Variants in COL24A1 observed in about 807,000 individuals in gnomAD.
The protein encoded by COL24A1 is collagen alpha-1(XXIV) chain.
In COL24A1, 224 loss-of-function variants were observed where a neutral mutation model predicts 253.9. The ratio of observed to expected loss-of-function variants is 0.88; its 90% CI spans 0.79 to 0.99. The LOEUF is 0.99. Ranked by LOEUF, COL24A1 falls within the 50% of genes least tolerant of loss-of-function variation. The pLI is 0.00. For synonymous variants in COL24A1, 685 were observed against 673.7 expected (o/e 1.02, Z -0.26); for missense variants, 2,131 against 2,068.5 (o/e 1.03, Z -0.59).
intron 24 of COL24A1, among the ~76,000 whole-genome samples, chr1:85,957,323 A>G (rs914309702): frequency 1.8e-4 from 28 of 152,150 alleles, no homozygotes; most frequent in Middle Eastern, 3.2e-3. Context: ...AAACCTGCGC[A>G]TTTTGCACAT....
intron 2 of COL24A1, among the ~76,000 whole-genome samples, chr1:86,141,382 A>G (rs1651051410): frequency 6.6e-6 from 1 of 152,180 alleles, no homozygotes; most frequent in African/African-American, 2.4e-5. Flanking sequence ...ACATAGAAGC[A>G]TTGAATCAAT....
At chr1:85,975,476 T>C (rs1692579082) in intron 20 of COL24A1, among the ~76,000 whole-genome samples, 1 of 152,122 alleles carries the variant, frequency 6.6e-6, no homozygotes, top group Non-Finnish European at 1.5e-5. Flanking sequence ...AAGGCTAGAA[T>C]GGGAGGATAT....
chr1:86,131,552 C>T (rs1035007794), intron 2 of COL24A1, among the ~76,000 whole-genome samples: 2 of 141,838 alleles, frequency 1.4e-5, no homozygotes, highest in African/African-American at 5.3e-5. Flanking sequence ...TGATGTTCAC[C>T]TTCCTGTGTT....
intron 47 of COL24A1, among the ~76,000 whole-genome samples, chr1:85,793,173 T>A (rs1375869345): frequency 1.3e-5 from 2 of 152,176 alleles, no homozygotes; most frequent in African/African-American, 2.4e-5. Context: ...TTAAAAATTA[T>A]CCTTTCTAAG....
chr1:85,778,023 C>CTCTATCTATCTATCTATCTA lies in COL24A1; in HGVS notation c.4339-2334_4339-2315dup, dbSNP rs71075864. ...GGTATATGTGTGTATATGTCTCTAT[C>CTCTATCTATCTATCTATCTA]TCTATCTATCTATCTATCTATCTAT... On this transcript the variant is annotated intron_variant, in intron 52 of 59. Coordinates refer to ENST00000370571, the MANE Select transcript of COL24A1 (RefSeq NM_152890.7). Among the ~76,000 whole-genome samples the CTCTATCTATCTATCTATCTA allele has an allele frequency of 2.0e-3, 294 of 149,244 alleles. 1 individual carries two copies. Among genetic ancestry groups the CTCTATCTATCTATCTATCTA allele is most frequent in the East Asian group, 4.2e-3 (21 of 5,032 alleles).
At chr1:85,811,752 T>C (rs1166933301) in intron 47 of COL24A1, among the ~76,000 whole-genome samples, 1 of 152,224 alleles carries the variant, frequency 6.6e-6, no homozygotes, top group Admixed American at 6.5e-5. Flanking sequence ...CATTTGTAAA[T>C]CTTCTTTGGA....
At chr1:85,887,536 T>C (rs1682653816) in intron 32 of COL24A1, among the ~76,000 whole-genome samples, 1 of 152,094 alleles carries the variant, frequency 6.6e-6, no homozygotes, top group African/African-American at 2.4e-5. Context: ...ATGTGGTCTC[T>C]GTCAAAACTT....
At chr1:86,079,802 T>A (rs6699364) in intron 7 of COL24A1, among the ~76,000 whole-genome samples, 1 of 151,804 alleles carries the variant, frequency 6.6e-6, no homozygotes, top group South Asian at 2.1e-4. Context: ...AAAAGGAGAA[T>A]CCTCATACAC....
chr1:85,840,018 C>T (rs753946526), intron 42 of COL24A1, among the ~76,000 whole-genome samples: 4 of 152,240 alleles, frequency 2.6e-5, no homozygotes, highest in East Asian at 3.9e-4. Context: ...TTTACTCTTA[C>T]GTGGACAAAG....
intron 35 of COL24A1, among the ~76,000 whole-genome samples, chr1:85,871,648 C>T (rs754492220): frequency 6.6e-6 from 1 of 152,084 alleles, no homozygotes; most frequent in Admixed American, 6.6e-5. Context: ...ATTCAACAGC[C>T]CTTCATGCTA....
At chr1:86,012,174 G>C (rs757453685) in intron 19 of COL24A1, among the ~76,000 whole-genome samples, 1 of 152,158 alleles carries the variant, frequency 6.6e-6, no homozygotes, top group Non-Finnish European at 1.5e-5. Flanking sequence ...ACAGGTGATA[G>C]TGATGCCCAG....
intron 19 of COL24A1, among the ~76,000 whole-genome samples, chr1:85,989,828 T>A (rs181832101): frequency 6.6e-6 from 1 of 152,326 alleles, no homozygotes; most frequent in Non-Finnish European, 1.5e-5. Flanking sequence ...AGAACACTTA[T>A]GTTTTAACTA....
chr1:86,060,730 T>C (rs1571784550), intron 8 of COL24A1, among the ~76,000 whole-genome samples: 1 of 152,152 alleles, frequency 6.6e-6, no homozygotes, highest in Admixed American at 6.5e-5. Flanking sequence ...GAACCTAAGA[T>C]ACACAGAAGT....
chr1:86,026,475 T>A (rs1698037166), intron 14 of COL24A1, among the ~76,000 whole-genome samples: 1 of 152,184 alleles, frequency 6.6e-6, no homozygotes, highest in African/African-American at 2.4e-5. Flanking sequence ...ATCTGATGGT[T>A]TTATAAGCAT....
chr1:86,032,237 C>T lies in COL24A1; in HGVS notation c.2005-315G>A, dbSNP rs75538845. Among the ~76,000 whole-genome samples the T allele has an allele frequency of 2.5e-3, 375 of 152,282 alleles. 10 individuals carry two copies. The East Asian group carries it at 0.046, about 19-fold the overall frequency. On this transcript the variant is annotated intron_variant, in intron 13 of 59. Coordinates refer to ENST00000370571, the MANE Select transcript of COL24A1 (RefSeq NM_152890.7). ...AATCCTATCAATAATCAACACTGTA[C>T]ACTTAATTATGCTATCCATTCTATG... is the stretch of plus-strand genomic sequence containing the variant.
At chr1:85,838,130 G>T (rs1387591271) in intron 43 of COL24A1, among the ~76,000 whole-genome samples, 1 of 152,098 alleles carries the variant, frequency 6.6e-6, no homozygotes, top group Non-Finnish European at 1.5e-5. Flanking sequence ...TATATACCAG[G>T]AACTTTGTGT....
intron 19 of COL24A1, among the ~76,000 whole-genome samples, chr1:85,988,008 A>G (rs1230143568): frequency 6.6e-6 from 1 of 151,786 alleles, no homozygotes. Context: ...ACCAAAGATT[A>G]GGTGAATGTA....
chr1:86,134,994 G>A (rs564319074), intron 2 of COL24A1, among the ~76,000 whole-genome samples: 71 of 151,460 alleles, frequency 4.7e-4, no homozygotes, highest in African/African-American at 1.7e-3. Context: ...AAGTCTCTTT[G>A]TAGGTCTCCA....
chr1:85,933,330 A>G (rs577215779), intron 24 of COL24A1, among the ~76,000 whole-genome samples: 7 of 152,328 alleles, frequency 4.6e-5, no homozygotes, highest in Admixed American at 6.5e-5. Flanking sequence ...AAATTACATT[A>G]AAAACCTACG....
Sources: gnomAD v4.1 joint callset for allele counts (sites outside exome capture counted in the v4.1 genomes callset) on GRCh38, gnomAD v4.1.1 for gene constraint, MANE v1.5 for transcripts, NCBI Gene and HGNC (gene_info 2026-07-23, HGNC 2026-07-21) for gene names.